The following CHL1 variants were observed in gnomAD, a reference collection of about 807,000 sequenced individuals.
CHL1 encodes the protein neural cell adhesion molecule L1-like protein.
In CHL1, 96 loss-of-function variants were observed where a neutral mutation model predicts 141.9. The observed-to-expected ratio is 0.68, with a 90% CI of 0.57 to 0.80. The LOEUF (loss-of-function observed/expected upper bound fraction) is 0.80. Among genes scored for constraint, CHL1 ranks in the 30% least tolerant of loss-of-function variants. The probability of loss-of-function intolerance (pLI) is 0.00; values close to 1 mark genes in which losing one functional copy is unlikely to be tolerated. For missense variants in CHL1, 1,820 were observed against 1,457.2 expected, an observed-to-expected ratio of 1.25 and a Z score of -4.05; for synonymous variants, 613 against 502.2, an observed-to-expected ratio of 1.22 and a Z score of -2.95.
At chr3:229,323 T>C (rs1701661122) in intron 1 of CHL1, among the ~76,000 whole-genome samples, 1 of 152,152 alleles carries the variant, frequency 6.6e-6, no homozygotes. Flanking sequence ...CAGGAGAAAA[T>C]GGCATTCACA....
At chr3:240,167 C>T (rs915157082) in intron 1 of CHL1, among the ~76,000 whole-genome samples, 1 of 152,150 alleles carries the variant, frequency 6.6e-6, no homozygotes, top group East Asian at 1.9e-4. Flanking sequence ...AAGGAATCTC[C>T]GTACTGTTTT....
intron 5 of CHL1, among the ~76,000 whole-genome samples, chr3:331,431 G>A (rs921955268): frequency 6.6e-6 from 1 of 151,882 alleles, no homozygotes; most frequent in Non-Finnish European, 1.5e-5. Flanking sequence ...TTGTAGAGAT[G>A]GGGTCTCACT....
chr3:227,374 C>T (rs1171732503), intron 1 of CHL1, among the ~76,000 whole-genome samples: 1 of 152,190 alleles, frequency 6.6e-6, no homozygotes, highest in Non-Finnish European at 1.5e-5. Context: ...GTTCCTAGTA[C>T]TGGAGAGCAT....
intron 5 of CHL1, among the ~76,000 whole-genome samples, chr3:328,619 A>G (rs1321344712): frequency 6.6e-6 from 1 of 152,190 alleles, no homozygotes; most frequent in African/African-American, 2.4e-5. Flanking sequence ...TAAGATGAGA[A>G]TTAAACATAT....
intron 2 of CHL1, among the ~76,000 whole-genome samples, chr3:268,127 A>G (rs1178100258): frequency 1.3e-5 from 2 of 152,218 alleles, no homozygotes; most frequent in Non-Finnish European, 2.9e-5. Context: ...TTACATAAAA[A>G]TGAAAGTAGA....
intron 9 of CHL1, among the ~76,000 whole-genome samples, chr3:345,823 G>A (rs1370896906): frequency 6.6e-6 from 1 of 152,106 alleles, no homozygotes; most frequent in African/African-American, 2.4e-5. Flanking sequence ...AACCCTAAAG[G>A]ACCTCACTTG....
chr3:246,764 G>A (rs138779030), intron 2 of CHL1: 1 of 152,222 alleles, frequency 6.6e-6, no homozygotes, highest in East Asian at 1.9e-4. Flanking sequence ...TTATGAGATT[G>A]AGTTTGTGCC....
At chr3:285,772 C>T (rs1036977518) in intron 2 of CHL1, among the ~76,000 whole-genome samples, 1 of 152,084 alleles carries the variant, frequency 6.6e-6, no homozygotes, top group Non-Finnish European at 1.5e-5. Flanking sequence ...TTGTTTCCCT[C>T]AGAAGTGACC....
At chr3:256,100 A>G (rs916728535) in intron 2 of CHL1, among the ~76,000 whole-genome samples, 4 of 152,252 alleles carry the variant, frequency 2.6e-5, no homozygotes, top group Non-Finnish European at 5.9e-5. Context: ...AGTTCTGCTT[A>G]GAGCTAAACA....
At chr3:220,429 T>C (rs1453021412) in intron 1 of CHL1, among the ~76,000 whole-genome samples, 1 of 152,144 alleles carries the variant, frequency 6.6e-6, no homozygotes, top group Admixed American at 6.5e-5. Flanking sequence ...GTCCAACCTT[T>C]TGACTACCCT....
intron 2 of CHL1, among the ~76,000 whole-genome samples, chr3:312,746 C>G (rs1161473921): frequency 6.6e-6 from 1 of 152,166 alleles, no homozygotes; most frequent in South Asian, 2.1e-4. Flanking sequence ...AGACATCTTG[C>G]TTGATGCAGC....
intron 2 of CHL1, 90 bp from the exon 3 acceptor site, chr3:319,591 CAA>C (rs35995557): frequency 0.07 from 20,868 of 297,002 alleles, no homozygotes; most frequent in South Asian, 0.085. Context: ...ACTGCCAAAC[CAA>C]AAAAAAAAAA....
Position 197,732 on chromosome 3 carries a change from C to T in CHL1, c.-175+669C>T, listed in dbSNP as rs1284752917. ...AAAACCCAGAGAGGGGCTAGAGCTC[C>T]ACCTCCCCAGACCGCCGAGGGGCGA... On this transcript the variant is annotated intron_variant, in intron 1 of 27. Transcript: ENST00000256509. 2.0e-5 allele frequency: 9 copies of T among 452,156 alleles called. No homozygotes were observed. In the Admixed American group the frequency reaches 2.2e-4, roughly 11 times the overall value. 28.0% of individuals were successfully genotyped at this position (452,156 alleles called of 1,614,324 possible).
In CHL1 at chr3:375,283, G is replaced by T. The variant is rs372276375; in HGVS notation, c.1752-2535G>T. 9.2e-5 allele frequency among the ~76,000 whole-genome samples: 14 copies of T among 152,158 alleles called. No individual in the cohort carries two copies. In the South Asian group the frequency reaches 2.9e-3, roughly 32 times the overall value. ...AAGGTAATGGGGACTGTTCATGACT[G>T]TAGGCAAAGGGAGGGACCTAGTCCT... is the stretch of plus-strand genomic sequence containing the variant. On this transcript the variant is annotated intron_variant, in intron 15 of 27. Coordinates refer to ENST00000256509, the MANE Select transcript of CHL1 (RefSeq NM_006614.4).
At position 325,416 on chromosome 3, in the gene CHL1, A is replaced by G. The variant is rs1366045899; in HGVS notation, c.92-543A>G. Among the ~76,000 whole-genome samples the G allele has an allele frequency of 2.6e-5, 4 of 151,600 alleles. No homozygotes were observed. The East Asian group carries it at 7.7e-4, about 29-fold the overall frequency. ...CAGTAATTCAAAAAAGGAAAAATCT[A>G]TTTACTCAAAATTCCTATTGAAATA... On this transcript the variant is annotated intron_variant, in intron 3 of 27. Transcript: ENST00000256509.
intron 12 of CHL1, among the ~76,000 whole-genome samples, chr3:361,244 G>A (rs895445046): frequency 2.0e-5 from 3 of 150,238 alleles, no homozygotes; most frequent in African/African-American, 4.9e-5. Context: ...AGACTTAAAC[G>A]TTAGACCTAA....
At chr3:254,750 T>C (rs181082523) in intron 2 of CHL1, among the ~76,000 whole-genome samples, 1 of 152,094 alleles carries the variant, frequency 6.6e-6, no homozygotes, top group African/African-American at 2.4e-5. Flanking sequence ...GCCTCACATA[T>C]TGGAAAGTGG....
chr3:399,164 A>G lies in CHL1; in HGVS notation c.3385+16A>G. 6.3e-7 allele frequency: 1 copy of G among 1,598,872 alleles called. No individual in the cohort carries two copies. ...AAGTACTCAGGTAAAATTGTTTCTTAATGTGATTTTCAACTTATTAAAAAG... is the reference window on the plus strand; with the variant it reads ...AAGTACTCAGGTAAAATTGTTTCTTGATGTGATTTTCAACTTATTAAAAAG... On this transcript the variant is annotated intron_variant, in intron 26 of 27. Transcript: ENST00000256509.
At chr3:360,705 G>A (rs1393510501) in intron 12 of CHL1, among the ~76,000 whole-genome samples, 1 of 148,218 alleles carries the variant, frequency 6.7e-6, no homozygotes, top group Admixed American at 6.7e-5. Flanking sequence ...TCGTCATCTA[G>A]CATTAGGTAT....
Sources: gnomAD v4.1 joint callset for allele counts (sites outside exome capture counted in the v4.1 genomes callset) on GRCh38, gnomAD v4.1.1 for gene constraint, MANE v1.5 for transcripts, NCBI Gene and HGNC (gene_info 2026-07-23, HGNC 2026-07-21) for gene names.